DPP10: variants seen among roughly 807,000 people sequenced by gnomAD.
DPP10 encodes the protein inactive dipeptidyl peptidase 10.
A neutral mutation model predicts 120.9 loss-of-function variants in DPP10; 33 were observed. That is an observed-to-expected ratio of 0.27 (90% CI 0.21 to 0.37). DPP10 has a LOEUF of 0.37. Ranked by LOEUF, DPP10 falls within the 10% of genes least tolerant of loss-of-function variation. The pLI, the probability that DPP10 is intolerant of heterozygous loss-of-function variation, is 1.00. For missense variants in DPP10, 816 were observed against 942.8 expected (o/e 0.87, Z 1.76); for synonymous variants, 337 against 326.1 (o/e 1.03, Z -0.36).
chr2:115,051,208 CA>C (rs1423073161), intron 1 of DPP10, among the ~76,000 whole-genome samples: 4 of 152,110 alleles, frequency 2.6e-5, no homozygotes, highest in African/African-American at 9.7e-5. Flanking sequence ...TCCTTTAAAT[CA>C]GCTATTTTAA....
At chr2:115,675,271 T>C (rs2090168340) in intron 5 of DPP10, among the ~76,000 whole-genome samples, 1 of 152,122 alleles carries the variant, frequency 6.6e-6, no homozygotes, top group African/African-American at 2.4e-5. Context: ...ATGCAGACTT[T>C]GACGAATATG....
intron 3 of DPP10, among the ~76,000 whole-genome samples, chr2:115,385,115 T>G (rs1248075233): frequency 1.3e-5 from 2 of 152,176 alleles, no homozygotes; most frequent in Admixed American, 1.3e-4. Flanking sequence ...CCTCTTGTTC[T>G]CCCCATTCTC....
At chr2:114,936,310 C>T (rs1264509226) in intron 1 of DPP10, among the ~76,000 whole-genome samples, 1 of 151,738 alleles carries the variant, frequency 6.6e-6, no homozygotes, top group African/African-American at 2.4e-5. Flanking sequence ...GCTGTGAATG[C>T]CATTATTTTG....
chr2:114,995,621 T>TC (rs1200358971), intron 1 of DPP10, among the ~76,000 whole-genome samples: 1 of 152,198 alleles, frequency 6.6e-6, no homozygotes, highest in Non-Finnish European at 1.5e-5. Flanking sequence ...ATATATTTTT[T>TC]CTCAATAGTC....
intron 4 of DPP10, among the ~76,000 whole-genome samples, chr2:115,517,764 A>G (rs2077580381): frequency 6.6e-6 from 1 of 152,234 alleles, no homozygotes; most frequent in Non-Finnish European, 1.5e-5. Context: ...TGATAAGGAT[A>G]GAGTAGATAT....
intron 1 of DPP10, among the ~76,000 whole-genome samples, chr2:114,799,820 G>A (rs1444711023): frequency 1.3e-5 from 2 of 152,200 alleles, no homozygotes; most frequent in Non-Finnish European, 2.9e-5. Context: ...GGGGAAGGAA[G>A]AGGAGTGAAT....
chr2:114,608,105 A>G lies in DPP10; in HGVS notation c.60+165267A>G, dbSNP rs141849540. ...CATTACTCCGTAACTCTCCAAACAC[A>G]AGTATTTACTGGTCCTGACTAAGAG... is the stretch of plus-strand genomic sequence containing the variant. On this transcript the variant is annotated intron_variant, in intron 1 of 25. Transcript: ENST00000410059. Among the ~76,000 whole-genome samples, 74 of 152,322 alleles carry G rather than the reference A, an allele frequency of 4.9e-4. 1 individual carries two copies. The East Asian group carries it at 0.014, about 29-fold the overall frequency.
intron 1 of DPP10, among the ~76,000 whole-genome samples, chr2:114,980,027 G>T (rs1198882740): frequency 6.6e-6 from 1 of 151,872 alleles, no homozygotes; most frequent in Non-Finnish European, 1.5e-5. Flanking sequence ...AGTATAATGA[G>T]GATAATCTCT....
chr2:115,392,558 T>C (rs1051302543), intron 3 of DPP10, among the ~76,000 whole-genome samples: 4 of 152,130 alleles, frequency 2.6e-5, no homozygotes, highest in African/African-American at 9.7e-5. Context: ...TTTAAGAGCA[T>C]AAGTGGAAAA....
chr2:115,191,315 A>C lies in DPP10; in HGVS notation c.61-117924A>C, dbSNP rs2054864585. Among the ~76,000 whole-genome samples, 2 of 152,226 alleles carry C rather than the reference A, an allele frequency of 1.3e-5. 1 individual carries two copies. The highest frequency in any genetic ancestry group is 4.1e-4 in the South Asian group (2 of 4,838). ...TCTGCTCTAGGAGGACAAGATTTCCAGTTTACACTGGAATTTTCGTCAAAC... is the reference window on the plus strand; with the variant it reads ...TCTGCTCTAGGAGGACAAGATTTCCCGTTTACACTGGAATTTTCGTCAAAC... On this transcript the variant is annotated intron_variant, in intron 1 of 25. Transcript: ENST00000410059.
intron 1 of DPP10, among the ~76,000 whole-genome samples, chr2:114,577,848 C>T (rs972493940): frequency 2.6e-5 from 4 of 152,162 alleles, no homozygotes; most frequent in Non-Finnish European, 4.4e-5. Context: ...TTTATTATCA[C>T]GTGACATTCT....
rs150157699 is a variant in DPP10 at position 114,713,904 on chromosome 2, G to C, written c.60+271066G>C. On this transcript the variant is annotated intron_variant, in intron 1 of 25. Transcript: ENST00000410059. ...GGAAGCTGAGGTATGAGAATCTCTT[G>C]AACTCAGGAGGCGGAGGTTGCAGTG... 7.9e-3 allele frequency among the ~76,000 whole-genome samples: 1,194 copies of C among 151,244 alleles called. 15 individuals carry two copies. The highest frequency in any genetic ancestry group is 0.027 in the African/African-American group (1,124 of 41,184).
At chr2:114,872,493 AC>A (rs1690770150) in intron 1 of DPP10, among the ~76,000 whole-genome samples, 1 of 151,972 alleles carries the variant, frequency 6.6e-6, no homozygotes, top group Admixed American at 6.6e-5. Flanking sequence ...TCATATCAAA[AC>A]CCTTTTAGTA....
intron 1 of DPP10, among the ~76,000 whole-genome samples, chr2:115,243,297 A>G (rs1051967833): frequency 6.6e-6 from 1 of 151,880 alleles, no homozygotes; most frequent in African/African-American, 2.4e-5. Flanking sequence ...GGGCCCATTA[A>G]CCCTACTGAC....
At chr2:114,534,704 T>A (rs1226482131) in intron 1 of DPP10, among the ~76,000 whole-genome samples, 1 of 133,180 alleles carries the variant, frequency 7.5e-6, no homozygotes, top group Non-Finnish European at 1.7e-5. Flanking sequence ...TTTTGCTTTT[T>A]ACTTTTTTTT....
chr2:115,768,897 T>C (rs1327367773), intron 13 of DPP10, among the ~76,000 whole-genome samples: 3 of 151,658 alleles, frequency 2.0e-5, no homozygotes, highest in Admixed American at 2.0e-4. Flanking sequence ...ATAAAATAGA[T>C]GTTTTATGTT....
intron 3 of DPP10, among the ~76,000 whole-genome samples, chr2:115,418,800 T>A (rs919616137): frequency 2.0e-5 from 3 of 151,748 alleles, no homozygotes; most frequent in Non-Finnish European, 2.9e-5. Flanking sequence ...AATTAATTAA[T>A]TAATTTAAAA....
At chr2:114,698,886 C>G (rs1349438706) in intron 1 of DPP10, among the ~76,000 whole-genome samples, 1 of 152,146 alleles carries the variant, frequency 6.6e-6, no homozygotes, top group African/African-American at 2.4e-5. Flanking sequence ...GCACCTTTCC[C>G]AAAGTAATAA....
chr2:115,569,660 T>C (rs2081226918), intron 5 of DPP10, among the ~76,000 whole-genome samples: 1 of 152,212 alleles, frequency 6.6e-6, no homozygotes, highest in Non-Finnish European at 1.5e-5. Context: ...TTTCACCTGA[T>C]AACCTTTATT....
Sources: gnomAD v4.1 joint callset for allele counts (sites outside exome capture counted in the v4.1 genomes callset) on GRCh38, gnomAD v4.1.1 for gene constraint, MANE v1.5 for transcripts, NCBI Gene and HGNC (gene_info 2026-07-23, HGNC 2026-07-21) for gene names.